The following DNAAF9 variants were observed in gnomAD, a reference collection of about 807,000 sequenced individuals.
DNAAF9 encodes dynein axonemal assembly factor 9, also known as shulin.
A neutral mutation model predicts 167.0 loss-of-function variants in DNAAF9; 90 were observed. The observed-to-expected ratio is 0.54, with a 90% CI of 0.45 to 0.64. The LOEUF is 0.64. DNAAF9 is among the 30% of genes least tolerant of loss of function. The pLI is 0.00. For synonymous variants in DNAAF9, 491 were observed against 508.8 expected (o/e 0.96, Z 0.47); for missense variants, 1,315 against 1,442.2 (o/e 0.91, Z 1.43).
intron 6 of DNAAF9, among the ~76,000 whole-genome samples, chr20:3,371,564 C>A (rs923259998): frequency 2.0e-5 from 3 of 151,790 alleles, no homozygotes; most frequent in Admixed American, 1.3e-4. Flanking sequence ...AGGATGGTCT[C>A]GATCTGCTGA....
At chr20:3,299,455 C>A (rs898380215) in intron 21 of DNAAF9, among the ~76,000 whole-genome samples, 3 of 152,084 alleles carry the variant, frequency 2.0e-5, no homozygotes, top group Admixed American at 6.5e-5. Context: ...GGATTACAGG[C>A]ATCCACCCAC....
chr20:3,343,649 C>T, intron 9 of DNAAF9, 27 bp downstream of exon 9: 1 of 1,591,366 alleles, frequency 6.3e-7, no homozygotes. Flanking sequence ...TCACCATTCG[C>T]CCTTCTTCCC....
At chr20:3,311,905 C>CAGACACCA (rs757227977) in intron 20 of DNAAF9, among the ~76,000 whole-genome samples, 15 of 152,000 alleles carry the variant, frequency 9.9e-5, no homozygotes, top group Non-Finnish European at 1.8e-4. Context: ...CTTGTGATAG[C>CAGACACCA]AGACACCACT....
intron 1 of DNAAF9, among the ~76,000 whole-genome samples, chr20:3,396,898 C>T (rs2083915739): frequency 6.6e-6 from 1 of 152,156 alleles, no homozygotes; most frequent in Non-Finnish European, 1.5e-5. Flanking sequence ...ACTCTATTTG[C>T]TGTGTTGAAA....
At chr20:3,274,683 A>C (rs553498211) in intron 29 of DNAAF9, among the ~76,000 whole-genome samples, 2 of 152,344 alleles carry the variant, frequency 1.3e-5, no homozygotes, top group African/African-American at 2.4e-5. Context: ...GGGCCTACAG[A>C]GAGTAAGAAT....
At chr20:3,386,871 C>A (rs2083747625) in intron 1 of DNAAF9, among the ~76,000 whole-genome samples, 1 of 152,062 alleles carries the variant, frequency 6.6e-6, no homozygotes, top group Non-Finnish European at 1.5e-5. Flanking sequence ...TGTTCGACAT[C>A]ATTATCCATT....
intron 10 of DNAAF9, among the ~76,000 whole-genome samples, chr20:3,334,156 T>C (rs2069892887): frequency 6.6e-6 from 1 of 152,100 alleles, no homozygotes; most frequent in Admixed American, 6.6e-5. Flanking sequence ...ACAGCCTTGG[T>C]TTTAATTACC....
In DNAAF9 at chr20:3,252,660, T is replaced by C; in HGVS notation, c.3446A>G (p.Tyr1149Cys). 6.2e-7 allele frequency: 1 copy of C among 1,607,214 alleles called. No individual in the cohort carries two copies. Among genetic ancestry groups the C allele is most frequent in the Non-Finnish European group, 8.5e-7 (1 of 1,173,664 alleles). ...HPLMDQFMND[Y>C]VEEANREIEK... ...AATTTCCCGGTTGGCTTCTTCCACGTAGTCATTCATGAACTGGTCCATGAC... is the reference window on the plus strand; with the variant it reads ...AATTTCCCGGTTGGCTTCTTCCACGCAGTCATTCATGAACTGGTCCATGAC... The change falls in exon 37 of 37, where the codon TAC becomes TGC. Residue 1149 changes from tyrosine to cysteine, a missense_variant. Physicochemically the swap from Tyr to Cys is radical, Grantham distance 194 (BLOSUM62 -2). Coordinates refer to ENST00000252032, the MANE Select transcript of DNAAF9 (RefSeq NM_001009984.3).
At chr20:3,334,937 G>T (rs938318816) in intron 10 of DNAAF9, among the ~76,000 whole-genome samples, 11 of 152,294 alleles carry the variant, frequency 7.2e-5, no homozygotes, top group Middle Eastern at 3.4e-3. Flanking sequence ...CAAAGATCAT[G>T]ACTATCCCTT....
chr20:3,261,519 C>G (rs767292762), intron 31 of DNAAF9, among the ~76,000 whole-genome samples: 2 of 151,592 alleles, frequency 1.3e-5, no homozygotes, highest in African/African-American at 4.9e-5. Context: ...AGGTGCCCAC[C>G]ACCACGCCCA....
chr20:3,271,192 A>G (rs1235898131), intron 29 of DNAAF9, among the ~76,000 whole-genome samples: 1 of 152,140 alleles, frequency 6.6e-6, no homozygotes, highest in African/African-American at 2.4e-5. Context: ...TCCTGTATTT[A>G]GCATCATCAG....
At chr20:3,313,662 G>A (rs920816669) in intron 20 of DNAAF9, among the ~76,000 whole-genome samples, 1 of 152,194 alleles carries the variant, frequency 6.6e-6, no homozygotes, top group Non-Finnish European at 1.5e-5. Context: ...GATTTCATAT[G>A]AGCAGAAACA....
At chr20:3,314,632 C>G (rs2123027904) in intron 20 of DNAAF9, among the ~76,000 whole-genome samples, 1 of 152,300 alleles carries the variant, frequency 6.6e-6, no homozygotes, top group Non-Finnish European at 1.5e-5. Flanking sequence ...CCAGCCAAGC[C>G]TGCCTGAACT....
At chr20:3,377,740 G>A (rs1328290718) in intron 3 of DNAAF9, among the ~76,000 whole-genome samples, 2 of 152,050 alleles carry the variant, frequency 1.3e-5, no homozygotes, top group East Asian at 3.9e-4. Context: ...TTATAGGTGT[G>A]AGCCACTGCA....
chr20:3,268,135 T>A (rs2068521349), intron 30 of DNAAF9, among the ~76,000 whole-genome samples: 1 of 151,626 alleles, frequency 6.6e-6, no homozygotes, highest in Non-Finnish European at 1.5e-5. Context: ...TTCAATCAAT[T>A]CTCCTGCCTC....
At chr20:3,317,913 T>C (rs2069533595) in intron 17 of DNAAF9, among the ~76,000 whole-genome samples, 1 of 152,080 alleles carries the variant, frequency 6.6e-6, no homozygotes, top group Non-Finnish European at 1.5e-5. Context: ...TTGCTTCTTC[T>C]TGACTACTAG....
intron 20 of DNAAF9, among the ~76,000 whole-genome samples, chr20:3,311,740 GA>G (rs1449586420): frequency 6.6e-6 from 1 of 152,184 alleles, no homozygotes. Context: ...TTCAAAATAA[GA>G]TATTGTCTAG....
intron 24 of DNAAF9, 111 bp downstream of exon 24, chr20:3,294,389 TGTACAGTGTGTTACTGCGACATTTTACA>T (rs2069025319): frequency 1.2e-6 from 1 of 802,412 alleles, no homozygotes; most frequent in Non-Finnish European, 2.1e-6. Context: ...AATAAAATTG[TGTACAGTGTGTTACTGCGACATTTTACA>T]GTGATCTCTA....
intron 28 of DNAAF9, among the ~76,000 whole-genome samples, chr20:3,281,117 C>T (rs1369499442): frequency 6.6e-6 from 1 of 152,166 alleles, no homozygotes; most frequent in African/African-American, 2.4e-5. Context: ...CAACCTCCAC[C>T]TCCCGGGTTC....
Sources: allele counts gnomAD v4.1 joint callset (sites outside exome capture counted in the v4.1 genomes callset), GRCh38; gene constraint gnomAD v4.1.1; transcripts MANE v1.5; gene names NCBI Gene and HGNC (gene_info 2026-07-23, HGNC 2026-07-21).